The following PIEZO2 variants were observed in gnomAD, a reference collection of about 807,000 sequenced individuals.
The protein encoded by PIEZO2 is piezo type mechanosensitive ion channel component 2.
Under a neutral mutation model 337.3 loss-of-function variants are expected in PIEZO2, and 172 were observed. The observed-to-expected ratio is 0.51, with a 90% CI of 0.45 to 0.58. PIEZO2 has a LOEUF of 0.58. Among genes scored for constraint, PIEZO2 ranks in the 20% least tolerant of loss-of-function variants. The probability of loss-of-function intolerance (pLI) is 0.00; values close to 1 mark genes in which losing one functional copy is unlikely to be tolerated. For missense variants in PIEZO2, 3,028 were observed against 3,391.3 expected (o/e 0.89, Z 2.66); for synonymous variants, 1,251 against 1,228.5 (o/e 1.02, Z -0.38).
At position 10,945,685 on chromosome 18, in the gene PIEZO2, C is replaced by T. The variant is rs576510555; in HGVS notation, c.286+33850G>A. Among the ~76,000 whole-genome samples, 6 of 152,154 alleles carry T rather than the reference C, an allele frequency of 3.9e-5. No individual in the cohort carries two copies. The South Asian group carries it at 1.0e-3, about 26-fold the overall frequency. The stretch of plus-strand genomic sequence containing the variant: ...TATATAAAGAAGCAGAAAATAGGAC[C>T]CATAATCAGCAGAAAAAATCAATCA... On this transcript the variant is annotated intron_variant, in intron 3 of 55. Coordinates refer to ENST00000674853, the MANE Select transcript of PIEZO2 (RefSeq NM_001378183.1). This position sits in a 1 kb window ranked among gnomAD's most constrained non-coding sequence, Gnocchi z 4.0.
intron 2 of PIEZO2, among the ~76,000 whole-genome samples, chr18:11,013,723 A>C (rs1309993968): frequency 6.6e-6 from 1 of 152,126 alleles, no homozygotes; most frequent in African/African-American, 2.4e-5. Context: ...TTTAGAGTCC[A>C]CCTGGATGGT....
At chr18:11,044,989 T>A (rs547149283) in intron 2 of PIEZO2, among the ~76,000 whole-genome samples, 7 of 151,626 alleles carry the variant, frequency 4.6e-5, no homozygotes, top group African/African-American at 7.3e-5. Flanking sequence ...TTTCTAAAAA[T>A]TTTTTTTAAA....
At chr18:10,789,402 T>C in intron 14 of PIEZO2, 37 bp from the exon 15 acceptor site, 1 of 1,514,082 alleles carries the variant, frequency 6.6e-7, no homozygotes, top group Non-Finnish European at 8.8e-7. Context: ...ACTTAGCTGG[T>C]TATCTGTGCA....
At chr18:10,987,320 T>C (rs1004127153) in intron 2 of PIEZO2, among the ~76,000 whole-genome samples, 1 of 152,132 alleles carries the variant, frequency 6.6e-6, no homozygotes, top group Non-Finnish European at 1.5e-5. Flanking sequence ...ACTACAAAGC[T>C]ATAGTAATTA....
chr18:11,127,578 G>A lies in PIEZO2; in HGVS notation c.64+20947C>T, dbSNP rs2040216223. 6.6e-6 allele frequency among the ~76,000 whole-genome samples: 1 copy of A among 151,984 alleles called. No individual in the cohort carries two copies. The highest frequency in any genetic ancestry group is 2.4e-5 in the African/African-American group (1 of 41,380). On this transcript the variant is annotated intron_variant, in intron 1 of 55. Transcript: ENST00000674853. The surrounding 1 kb of genome is among the most constrained non-coding windows in gnomAD (Gnocchi z 4.5). Reference sequence around the variant, plus strand: ...CCTGCCCTCGAACATCAGGCTCCAAGTTCTTCAGTTTCGAGACTCAGACTG... The same window carrying A: ...CCTGCCCTCGAACATCAGGCTCCAAATTCTTCAGTTTCGAGACTCAGACTG...
rs1265835272 is a variant in PIEZO2 at position 10,824,607 on chromosome 18, T to C, written c.918-17333A>G. 1.7e-4 allele frequency among the ~76,000 whole-genome samples: 26 copies of C among 152,168 alleles called. No homozygotes were observed. The highest frequency in any genetic ancestry group is 1.6e-3 in the Admixed American group (25 of 15,280). Reference sequence around the variant, plus strand: ...AAAATAATAAAAAAATCCATCTATCTATATATCCATATCTATATTTGATAT... The same window carrying C: ...AAAATAATAAAAAAATCCATCTATCCATATATCCATATCTATATTTGATAT... On this transcript the variant is annotated intron_variant, in intron 7 of 55. Coordinates refer to ENST00000674853, the MANE Select transcript of PIEZO2 (RefSeq NM_001378183.1). This position sits in a 1 kb window ranked among gnomAD's most constrained non-coding sequence, Gnocchi z 4.4.
Position 10,949,737 on chromosome 18 carries a change from C to T in PIEZO2, c.286+29798G>A, listed in dbSNP as rs544857398. ...AGAAGGTGTTTTCTTTCCAGACCCT[C>T]TAAGAAGTCATTATCAGATACTTCA... On this transcript the variant is annotated intron_variant, in intron 3 of 55. Coordinates refer to ENST00000674853, the MANE Select transcript of PIEZO2 (RefSeq NM_001378183.1). Among the ~76,000 whole-genome samples the T allele has an allele frequency of 1.5e-4, 23 of 152,356 alleles. No homozygotes were observed. In the South Asian group the frequency reaches 4.6e-3, roughly 30 times the overall value.
At chr18:10,907,144 T>C (rs547855472) in intron 4 of PIEZO2, among the ~76,000 whole-genome samples, 21 of 152,226 alleles carry the variant, frequency 1.4e-4, no homozygotes, top group African/African-American at 3.9e-4. Context: ...GCATTAATCA[T>C]TGAATTAAGA....
chr18:11,018,072 C>T (rs531128552), intron 2 of PIEZO2, among the ~76,000 whole-genome samples: 5 of 152,192 alleles, frequency 3.3e-5, no homozygotes, highest in Admixed American at 3.3e-4. Flanking sequence ...GGCCCTGCTC[C>T]CCGAGAAGGC....
chr18:10,954,505 C>T lies in PIEZO2; in HGVS notation c.286+25030G>A, dbSNP rs993854183. On this transcript the variant is annotated intron_variant, in intron 3 of 55. Transcript: ENST00000674853. The surrounding 1 kb of genome is among the most constrained non-coding windows in gnomAD (Gnocchi z 4.2). ...TATTTTGGTATGTTGATCTTGCATC[C>T]TGTGATGTTGACTTTTTGAAATATT... Among the ~76,000 whole-genome samples, 1 of 152,128 alleles carries T rather than the reference C, an allele frequency of 6.6e-6. No individual in the cohort carries two copies. The highest frequency in any genetic ancestry group is 2.4e-5 in the African/African-American group (1 of 41,422).
chr18:10,711,588 G>A (rs374607900), intron 39 of PIEZO2, among the ~76,000 whole-genome samples: 2 of 149,464 alleles, frequency 1.3e-5, no homozygotes, highest in African/African-American at 2.5e-5. Context: ...TACCCATTTC[G>A]CTTGCCACAC....
intron 3 of PIEZO2, among the ~76,000 whole-genome samples, chr18:10,925,019 C>A (rs867238465): frequency 6.6e-6 from 1 of 152,110 alleles, no homozygotes; most frequent in Admixed American, 6.5e-5. Flanking sequence ...TTTTCCTGAA[C>A]ATATGTCAAA....
chr18:10,696,589 G>A (rs747482505), intron 45 of PIEZO2, 50 bp from the exon 46 acceptor site: 2 of 1,602,516 alleles, frequency 1.2e-6, no homozygotes, highest in Non-Finnish European at 1.7e-6. Context: ...AGGAAGGGCA[G>A]GATGGCAGAA....
At position 11,047,878 on chromosome 18, in the gene PIEZO2, G is replaced by C. The variant is rs2145836026; in HGVS notation, c.160+18249C>G. Among the ~76,000 whole-genome samples, 1 of 152,304 alleles carries C rather than the reference G, an allele frequency of 6.6e-6. No homozygotes were observed. Among genetic ancestry groups the C allele is most frequent in the East Asian group, 1.9e-4 (1 of 5,178 alleles). ...ACATTCCTTTGCACCTAAGTGCAAA[G>C]GGACCTGTAAGAGTTAATGGCTGGC... On this transcript the variant is annotated intron_variant, in intron 2 of 55. Coordinates refer to ENST00000674853, the MANE Select transcript of PIEZO2 (RefSeq NM_001378183.1). This position sits in a 1 kb window ranked among gnomAD's most constrained non-coding sequence, Gnocchi z 7.2.
At position 10,676,705 on chromosome 18, in the gene PIEZO2, G is replaced by A. The variant is rs1406237883; in HGVS notation, c.8081+1042C>T. The stretch of plus-strand genomic sequence containing the variant: ...AGATCAATACTTTTTGGGCCAGGTG[G>A]ACAGAGAGTGGGAGGAGAATGTGCT... On this transcript the variant is annotated intron_variant, in intron 53 of 55. Transcript: ENST00000674853. The surrounding 1 kb of genome is among the most constrained non-coding windows in gnomAD (Gnocchi z 5.1). Among the ~76,000 whole-genome samples, 1 of 152,196 alleles carries A rather than the reference G, an allele frequency of 6.6e-6. No homozygotes were observed. Among genetic ancestry groups the A allele is most frequent in the Non-Finnish European group, 1.5e-5 (1 of 68,034 alleles).
chr18:10,902,197 C>T (rs191551899), intron 4 of PIEZO2, among the ~76,000 whole-genome samples: 67 of 152,320 alleles, frequency 4.4e-4, no homozygotes, highest in Non-Finnish European at 8.1e-4. Context: ...GAAACCATCC[C>T]TACCCCTACC....
At position 10,775,060 on chromosome 18, in the gene PIEZO2, C is replaced by T. The variant is rs2038738176; in HGVS notation, c.2535-1022G>A. Among the ~76,000 whole-genome samples the T allele has an allele frequency of 6.6e-6, 1 of 152,204 alleles. No individual in the cohort carries two copies. Among genetic ancestry groups the T allele is most frequent in the African/African-American group, 2.4e-5 (1 of 41,448 alleles). On this transcript the variant is annotated intron_variant, in intron 18 of 55. Transcript: ENST00000674853. This position sits in a 1 kb window ranked among gnomAD's most constrained non-coding sequence, Gnocchi z 4.3. Reference sequence around the variant, plus strand: ...GTCCCTACGCTTTTAGATTATCATTCAAACAATTCCCTTGCACAGGATGTC... The same window carrying T: ...GTCCCTACGCTTTTAGATTATCATTTAAACAATTCCCTTGCACAGGATGTC...
At chr18:11,117,832 G>A (rs561864491) in intron 1 of PIEZO2, among the ~76,000 whole-genome samples, 4 of 152,268 alleles carry the variant, frequency 2.6e-5, no homozygotes, top group African/African-American at 9.6e-5. Context: ...TGAAGTCAGT[G>A]CCTTCTGCTT....
At chr18:10,867,846 T>C (rs2042046020) in intron 5 of PIEZO2, among the ~76,000 whole-genome samples, 1 of 152,244 alleles carries the variant, frequency 6.6e-6, no homozygotes, top group Admixed American at 6.5e-5. Context: ...TTCTCCCAGT[T>C]ATGACTGATT....
Sources: gnomAD v4.1 joint callset for allele counts (sites outside exome capture counted in the v4.1 genomes callset) on GRCh38, gnomAD v4.1.1 for gene constraint, Gnocchi (gnomAD v3.1) non-coding constraint, MANE v1.5 for transcripts, NCBI Gene and HGNC (gene_info 2026-07-23, HGNC 2026-07-21) for gene names.